LRRC7: variants seen among roughly 807,000 people sequenced by gnomAD.
LRRC7 encodes leucine-rich repeat-containing protein 7.
In LRRC7, 23 loss-of-function variants were observed where a neutral mutation model predicts 175.7. The observed-to-expected ratio is 0.13, with a 90% CI of 0.09 to 0.19. LRRC7 has a LOEUF of 0.19. LRRC7 is among the 10% of genes least tolerant of loss of function. The pLI is 1.00. For synonymous variants in LRRC7, 685 were observed against 680.9 expected, an observed-to-expected ratio of 1.01 and a Z score of -0.09; for missense variants, 1,354 against 1,904.7, an observed-to-expected ratio of 0.71 and a Z score of 5.38.
intron 4 of LRRC7, among the ~76,000 whole-genome samples, chr1:69,820,788 A>T (rs1323846014): frequency 6.6e-6 from 1 of 152,108 alleles, no homozygotes; most frequent in Admixed American, 6.6e-5. Context: ...TGGTTCCAAG[A>T]CTTTGCTATT....
At chr1:69,804,607 A>T (rs1676901777) in intron 4 of LRRC7, among the ~76,000 whole-genome samples, 1 of 151,654 alleles carries the variant, frequency 6.6e-6, no homozygotes, top group African/African-American at 2.4e-5. Flanking sequence ...GAAATATATA[A>T]ATATCTACAT....
intron 1 of LRRC7, among the ~76,000 whole-genome samples, chr1:69,588,459 G>T (rs190216788): frequency 6.6e-6 from 1 of 152,050 alleles, no homozygotes; most frequent in African/African-American, 2.4e-5. Context: ...TAAATTATAT[G>T]AAATAATATA....
chr1:69,843,308 T>C (rs771265829), intron 7 of LRRC7, among the ~76,000 whole-genome samples: 1 of 152,114 alleles, frequency 6.6e-6, no homozygotes, highest in Admixed American at 6.6e-5. Flanking sequence ...ATATAACCAT[T>C]TCTAGTATGT....
chr1:69,680,974 A>G (rs1660415725), intron 2 of LRRC7, among the ~76,000 whole-genome samples: 1 of 152,008 alleles, frequency 6.6e-6, no homozygotes, highest in Non-Finnish European at 1.5e-5. Context: ...TTTAATTGTT[A>G]TTATTGTTCT....
At chr1:69,890,266 G>T (rs1212856473) in intron 7 of LRRC7, among the ~76,000 whole-genome samples, 1 of 152,216 alleles carries the variant, frequency 6.6e-6, no homozygotes, top group African/African-American at 2.4e-5. Flanking sequence ...ATTAACAGCA[G>T]AATGGATGTT....
intron 3 of LRRC7, among the ~76,000 whole-genome samples, chr1:69,788,527 C>G (rs904565538): frequency 2.6e-5 from 4 of 152,182 alleles, no homozygotes; most frequent in Non-Finnish European, 5.9e-5. Flanking sequence ...GTTGTAGACT[C>G]ATACCATTCA....
chr1:69,810,869 A>T (rs1223554122), intron 4 of LRRC7, among the ~76,000 whole-genome samples: 1 of 152,164 alleles, frequency 6.6e-6, no homozygotes, highest in African/African-American at 2.4e-5. Context: ...ATGGGCAAAG[A>T]CCTCATGACT....
chr1:69,650,502 T>G (rs1362033568), intron 1 of LRRC7, among the ~76,000 whole-genome samples: 1 of 117,086 alleles, frequency 8.5e-6, no homozygotes, highest in African/African-American at 3.4e-5. Flanking sequence ...ATCGCGCCAC[T>G]GCACTCCAGC....
intron 21 of LRRC7, among the ~76,000 whole-genome samples, chr1:70,041,972 T>C (rs1659940690): frequency 6.6e-6 from 1 of 152,246 alleles, no homozygotes; most frequent in Non-Finnish European, 1.5e-5. Flanking sequence ...ATGATGACAC[T>C]TCCCTTCTGA....
intron 1 of LRRC7, among the ~76,000 whole-genome samples, chr1:69,584,471 C>A (rs144313210): frequency 6.6e-6 from 1 of 152,116 alleles, no homozygotes; most frequent in African/African-American, 2.4e-5. Context: ...AATTTGTTTT[C>A]TGTTACTTTT....
intron 25 of LRRC7, among the ~76,000 whole-genome samples, chr1:70,100,465 G>A (rs1210941678): frequency 6.6e-6 from 1 of 152,026 alleles, no homozygotes; most frequent in Admixed American, 6.6e-5. Context: ...TTGCCACTAA[G>A]AGATTTGTGA....
At chr1:69,966,552 T>C (rs1345203300) in intron 8 of LRRC7, among the ~76,000 whole-genome samples, 1 of 152,196 alleles carries the variant, frequency 6.6e-6, no homozygotes, top group East Asian at 1.9e-4. Flanking sequence ...TATAGTCAAA[T>C]AAATGGGTAG....
chr1:69,760,194 A>G lies in LRRC7; in HGVS notation c.104A>G (p.Gln35Arg), dbSNP rs1570656690. ...ALRKRPEEEL[Q>R]CLEMTTKRKI... ...TTTTGTTTCTGCGTTTCTCTAGTGC[A>G]GTGCCTGGAGATGACCACCAAACGG... Residue 35 changes from glutamine (Q) to arginine (R), a missense_variant, in exon 3 of 27, where the codon CAG becomes CGG. Physicochemically the swap from Gln to Arg is conservative, Grantham distance 43. Transcript: ENST00000651989. 1 of 1,612,606 alleles carries G rather than the reference A, an allele frequency of 6.2e-7. No individual in the cohort carries two copies. Among genetic ancestry groups the G allele is most frequent in the Non-Finnish European group, 8.5e-7 (1 of 1,179,066 alleles).
intron 1 of LRRC7, among the ~76,000 whole-genome samples, chr1:69,581,662 T>G (rs953970687): frequency 2.0e-4 from 31 of 152,100 alleles, no homozygotes; most frequent in African/African-American, 7.5e-4. Context: ...ATGAATTGAA[T>G]ACTTCTATAG....
At chr1:69,936,393 A>G (rs539396602) in intron 8 of LRRC7, among the ~76,000 whole-genome samples, 1 of 152,196 alleles carries the variant, frequency 6.6e-6, no homozygotes, top group African/African-American at 2.4e-5. Flanking sequence ...AACATGACAT[A>G]CATCTTCATT....
At chr1:69,829,411 A>T (rs1441131882) in intron 5 of LRRC7, among the ~76,000 whole-genome samples, 1 of 151,852 alleles carries the variant, frequency 6.6e-6, no homozygotes, top group African/African-American at 2.4e-5. Context: ...CATGTAATCA[A>T]ATCAGGATAA....
At chr1:70,051,698 A>G (rs1481524504) in intron 22 of LRRC7, among the ~76,000 whole-genome samples, 1 of 151,970 alleles carries the variant, frequency 6.6e-6, no homozygotes, top group Non-Finnish European at 1.5e-5. Context: ...TGAAAAAAGA[A>G]TTCACATAAC....
intron 2 of LRRC7, among the ~76,000 whole-genome samples, chr1:69,746,903 A>G (rs1041445144): frequency 6.6e-6 from 1 of 152,170 alleles, no homozygotes; most frequent in Non-Finnish European, 1.5e-5. Context: ...GCCCCAAATC[A>G]AGGCAAATCA....
In LRRC7 at chr1:69,570,525, G is replaced by A. The variant is rs533170583; in HGVS notation, c.2+1884G>A. Among the ~76,000 whole-genome samples, 8 of 149,448 alleles carry A rather than the reference G, an allele frequency of 5.4e-5. No homozygotes were observed. The East Asian group carries it at 6.1e-4, about 11-fold the overall frequency. ...GAAAAGTTCTCCAGCCCCTGCACAC[G>A]TGGGTTCTCCAGCACTTCAGAACCT... On this transcript the variant is annotated intron_variant, in intron 1 of 26. Transcript: ENST00000651989.
Sources: gnomAD v4.1 joint callset for allele counts (sites outside exome capture counted in the v4.1 genomes callset) on GRCh38, gnomAD v4.1.1 for gene constraint, MANE v1.5 for transcripts, NCBI Gene and HGNC (gene_info 2026-07-23, HGNC 2026-07-21) for gene names.